Variants in MDGA2 observed in about 807,000 individuals in gnomAD.
The protein encoded by MDGA2 is MAM domain-containing glycosylphosphatidylinositol anchor protein 2.
MDGA2 carries 40 observed loss-of-function variants against 117.8 expected under a neutral mutation model. That is an observed-to-expected ratio of 0.34 (90% CI 0.26 to 0.44). MDGA2 has a LOEUF of 0.44. Ranked by LOEUF, MDGA2 falls within the 20% of genes least tolerant of loss-of-function variation. The pLI is 1.00. For missense variants in MDGA2, 1,123 were observed against 1,250.6 expected, an observed-to-expected ratio of 0.90 and a Z score of 1.54; for synonymous variants, 452 against 439.0, an observed-to-expected ratio of 1.03 and a Z score of -0.37.
intron 1 of MDGA2, among the ~76,000 whole-genome samples, chr14:47,594,924 C>A (rs1566532044): frequency 6.6e-6 from 1 of 151,142 alleles, no homozygotes; most frequent in East Asian, 1.9e-4. Context: ...CCCTGATTTC[C>A]TCCATCTCCC....
At chr14:47,219,860 A>G (rs1886235957) in intron 2 of MDGA2, among the ~76,000 whole-genome samples, 1 of 152,180 alleles carries the variant, frequency 6.6e-6, no homozygotes, top group African/African-American at 2.4e-5. Flanking sequence ...CTAAATGTTT[A>G]TTAAAATTAC....
intron 8 of MDGA2, among the ~76,000 whole-genome samples, chr14:47,011,679 G>T (rs1409315547): frequency 1.3e-5 from 2 of 151,842 alleles, no homozygotes; most frequent in African/African-American, 4.8e-5. Flanking sequence ...ATGCATATTT[G>T]TAATAGGCTG....
At chr14:47,005,870 T>C (rs1186581264) in intron 8 of MDGA2, among the ~76,000 whole-genome samples, 1 of 151,690 alleles carries the variant, frequency 6.6e-6, no homozygotes, top group Non-Finnish European at 1.5e-5. Context: ...CCACGTGTAG[T>C]ATTTTTAAAA....
At chr14:47,279,890 A>C (rs1888420952) in intron 2 of MDGA2, among the ~76,000 whole-genome samples, 1 of 152,094 alleles carries the variant, frequency 6.6e-6, no homozygotes, top group African/African-American at 2.4e-5. Flanking sequence ...TAGAGATGGG[A>C]TCTCACTTTA....
intron 1 of MDGA2, among the ~76,000 whole-genome samples, chr14:47,391,817 T>A (rs1891901252): frequency 6.6e-6 from 1 of 152,206 alleles, no homozygotes; most frequent in African/African-American, 2.4e-5. Context: ...TTTGGTGAGC[T>A]TTGGTGTCTA....
intron 9 of MDGA2, among the ~76,000 whole-genome samples, chr14:46,925,750 A>T (rs1021422504): frequency 6.6e-6 from 1 of 152,090 alleles, no homozygotes; most frequent in Admixed American, 6.6e-5. Flanking sequence ...AATAATTGAT[A>T]CTGTCTACTG....
intron 8 of MDGA2, among the ~76,000 whole-genome samples, chr14:46,964,055 A>G (rs768937809): frequency 6.6e-6 from 1 of 152,200 alleles, no homozygotes; most frequent in Non-Finnish European, 1.5e-5. Context: ...CCAGGACACA[A>G]GTGTCTGGCA....
chr14:47,203,850 G>A (rs1329357027), intron 3 of MDGA2, among the ~76,000 whole-genome samples: 2 of 151,952 alleles, frequency 1.3e-5, no homozygotes, highest in Non-Finnish European at 2.9e-5. Context: ...TATGGTTTCA[G>A]AGCTATGAGA....
At chr14:47,572,820 A>C (rs887554529) in intron 1 of MDGA2, among the ~76,000 whole-genome samples, 4 of 152,240 alleles carry the variant, frequency 2.6e-5, no homozygotes, top group African/African-American at 9.6e-5. Flanking sequence ...TTCTGGCCTC[A>C]GCAGCACAAT....
chr14:46,950,875 CA>C (rs201835799), intron 9 of MDGA2, among the ~76,000 whole-genome samples: 2 of 141,614 alleles, frequency 1.4e-5, no homozygotes, highest in Admixed American at 7.2e-5. Context: ...TAATTCAGTC[CA>C]AATTTAAAAA....
At chr14:47,137,341 C>T (rs1224198722) in intron 4 of MDGA2, among the ~76,000 whole-genome samples, 1 of 152,072 alleles carries the variant, frequency 6.6e-6, no homozygotes, top group East Asian at 1.9e-4. Context: ...CCCTAATCTT[C>T]ATGTTGAAAT....
intron 3 of MDGA2, among the ~76,000 whole-genome samples, chr14:47,188,048 G>A (rs1884975857): frequency 6.6e-6 from 1 of 152,026 alleles, no homozygotes; most frequent in African/African-American, 2.4e-5. Context: ...TTTCCCATTA[G>A]AGATTTTATA....
chr14:46,993,242 CAG>C (rs1279739197), intron 8 of MDGA2, among the ~76,000 whole-genome samples: 2 of 151,984 alleles, frequency 1.3e-5, no homozygotes, highest in African/African-American at 4.8e-5. Flanking sequence ...CATAATTGAA[CAG>C]AGATTGCTTG....
At chr14:47,629,567 T>C (rs552601410) in intron 1 of MDGA2, among the ~76,000 whole-genome samples, 1 of 152,266 alleles carries the variant, frequency 6.6e-6, no homozygotes, top group African/African-American at 2.4e-5. Context: ...GAGAATGAAG[T>C]TGTAACTAGT....
chr14:47,184,717 T>G (rs543907482), intron 3 of MDGA2, among the ~76,000 whole-genome samples: 151 of 151,930 alleles, frequency 9.9e-4, no homozygotes, highest in African/African-American at 3.4e-3. Flanking sequence ...TCTTTAATTT[T>G]TAGTAGTAAC....
intron 8 of MDGA2, among the ~76,000 whole-genome samples, chr14:46,983,575 C>T (rs1886761396): frequency 6.6e-6 from 1 of 152,080 alleles, no homozygotes; most frequent in African/African-American, 2.4e-5. Flanking sequence ...AATTAAATGA[C>T]ATACATTTGA....
intron 1 of MDGA2, among the ~76,000 whole-genome samples, chr14:47,564,870 T>G (rs1244415490): frequency 1.3e-5 from 2 of 152,224 alleles, no homozygotes; most frequent in Non-Finnish European, 2.9e-5. Context: ...CTTCAAGCTC[T>G]GAGATTCTTT....
intron 2 of MDGA2, among the ~76,000 whole-genome samples, chr14:47,222,196 T>C (rs1378498525): frequency 1.3e-5 from 2 of 151,876 alleles, no homozygotes. Context: ...ATTGGAACAA[T>C]AGAAAATTGG....
At chr14:46,871,039 G>T (rs1881974070) in intron 14 of MDGA2, 1 of 151,770 alleles carries the variant, frequency 6.6e-6, no homozygotes, top group Admixed American at 6.6e-5. Flanking sequence ...TCAAAACAAA[G>T]AGGAAACAGA....
Sources: allele counts gnomAD v4.1 joint callset (sites outside exome capture counted in the v4.1 genomes callset), GRCh38; gene constraint gnomAD v4.1.1; transcripts MANE v1.5; gene names NCBI Gene and HGNC (gene_info 2026-07-23, HGNC 2026-07-21).